The following RNF141 variants were observed in gnomAD, a reference collection of about 807,000 sequenced individuals.
RNF141 encodes ring finger protein 141, also known as C3HC4-like zinc finger protein.
Under a neutral mutation model 27.4 loss-of-function variants are expected in RNF141, and 18 were observed. The ratio of observed to expected loss-of-function variants is 0.66; its 90% CI spans 0.45 to 0.97. RNF141 has a LOEUF of 0.97. Among genes scored for constraint, RNF141 ranks in the 50% least tolerant of loss-of-function variants. The probability of loss-of-function intolerance (pLI) is 0.00; values close to 1 mark genes in which losing one functional copy is unlikely to be tolerated. For missense variants in RNF141, 230 were observed against 279.4 expected (o/e 0.82, Z 1.26); for synonymous variants, 97 against 96.6 (o/e 1.00, Z -0.02).
intron 1 of RNF141, among the ~76,000 whole-genome samples, chr11:10,540,464 G>A (rs1231199972): frequency 1.3e-5 from 2 of 152,194 alleles, no homozygotes. Context: ...GAAGCCTTCT[G>A]CTCCTGCTGT....
At chr11:10,541,006 C>G (rs1252537649) in intron 1 of RNF141, 116 bp downstream of exon 1, 1 of 152,260 alleles carries the variant, frequency 6.6e-6, no homozygotes, top group Non-Finnish European at 1.5e-5. Context: ...CTAGGCCTGT[C>G]TCCCCGCGGA....
At position 10,527,179 on chromosome 11, in the gene RNF141, T is replaced by C. The variant is rs1849943406; in HGVS notation, c.253-1806A>G. On this transcript the variant is annotated intron_variant, in intron 3 of 5. Transcript: ENST00000265981. The stretch of plus-strand genomic sequence containing the variant: ...ATGTTATTGGTACTATGTGCACTGC[T>C]CTAGGCACTAGCCACAGTGTGTATA... 2.6e-5 allele frequency among the ~76,000 whole-genome samples: 4 copies of C among 152,228 alleles called. No homozygotes were observed. The South Asian group carries it at 8.3e-4, about 32-fold the overall frequency.
In RNF141 at chr11:10,519,116, C is replaced by T. The variant is rs377654959; in HGVS notation, c.460G>A (p.Glu154Lys). ...GRVKQLTDEE[E>K]CCICMDGRAD... is the part of the protein sequence containing the mutation. ...CGCCCATCCATACAGATACAACACT[C>T]CTCCTCATCGGTCAGCTGCTTCACC... The change falls in exon 5 of 6, where the codon GAG (glutamate) becomes AAG (lysine). Residue 154 changes from glutamate to lysine, a missense_variant. Coordinates refer to ENST00000265981, the MANE Select transcript of RNF141 (RefSeq NM_016422.4). 3 of 1,613,950 alleles carry T rather than the reference C, an allele frequency of 1.9e-6. No individual in the cohort carries two copies. Among genetic ancestry groups the T allele is most frequent in the South Asian group, 2.2e-5 (2 of 91,078 alleles).
At chr11:10,529,207 C>T (rs967973260) in intron 3 of RNF141, among the ~76,000 whole-genome samples, 1 of 152,362 alleles carries the variant, frequency 6.6e-6, no homozygotes, top group Middle Eastern at 3.4e-3. Flanking sequence ...CATATTCCCT[C>T]TGTCAGTGTA....
intron 1 of RNF141, among the ~76,000 whole-genome samples, chr11:10,537,510 G>A (rs754034163): frequency 4.6e-5 from 7 of 152,064 alleles, no homozygotes; most frequent in African/African-American, 9.7e-5. Context: ...TAACCAACGT[G>A]GTATAGGGGA....
intron 3 of RNF141, among the ~76,000 whole-genome samples, chr11:10,529,051 TG>T (rs55642894): frequency 0.45 from 68,322 of 151,992 alleles, 16,753 homozygotes; most frequent in East Asian, 0.66. Flanking sequence ...AAATAAAAGG[TG>T]TGGCAGAAAC....
At chr11:10,526,560 G>A (rs1849937269) in intron 3 of RNF141, among the ~76,000 whole-genome samples, 1 of 152,260 alleles carries the variant, frequency 6.6e-6, no homozygotes, top group South Asian at 2.1e-4. Context: ...GAGGTGGGCA[G>A]ATCATGAGGT....
intron 3 of RNF141, among the ~76,000 whole-genome samples, chr11:10,527,887 C>A (rs572245854): frequency 6.6e-6 from 1 of 151,974 alleles, no homozygotes; most frequent in African/African-American, 2.4e-5. Flanking sequence ...ATTCTGAATA[C>A]ATTTTGATGT....
chr11:10,515,015 T>A lies in RNF141; in HGVS notation c.594A>T (p.Ala198=). 1.2e-6 allele frequency: 2 copies of A among 1,614,046 alleles called. No homozygotes were observed. Among genetic ancestry groups the A allele is most frequent in the Non-Finnish European group, 1.7e-6 (2 of 1,179,928 alleles). ...CPICRLQMTG[A]NESWVVSDAP... is the part of the protein sequence containing the mutation. Reference sequence around the variant, plus strand: ...CATCTGATACCACCCAAGATTCATTTGCTCCAGTCATCTGTAGGCGACAAA... The same window carrying A: ...CATCTGATACCACCCAAGATTCATTAGCTCCAGTCATCTGTAGGCGACAAA... The change falls in exon 6 of 6, where the codon GCA becomes GCT. Residue 198 remains alanine, a synonymous_variant. Transcript: ENST00000265981.
At chr11:10,515,834 C>G (rs1377473528) in intron 5 of RNF141, 1 of 152,084 alleles carries the variant, frequency 6.6e-6, no homozygotes, top group Non-Finnish European at 1.5e-5. Context: ...AAAAATGGAG[C>G]ATACAAAGTT....
intron 1 of RNF141, among the ~76,000 whole-genome samples, chr11:10,538,892 T>C (rs754580207): frequency 5.3e-5 from 8 of 152,234 alleles, no homozygotes; most frequent in East Asian, 1.9e-4. Context: ...AACAGTGGTA[T>C]TGCATAGAAA....
At chr11:10,522,445 T>G (rs1004808087) in intron 4 of RNF141, among the ~76,000 whole-genome samples, 2 of 152,244 alleles carry the variant, frequency 1.3e-5, no homozygotes, top group African/African-American at 4.8e-5. Flanking sequence ...AGTCTTGTGC[T>G]GTTTGTTCCT....
intron 1 of RNF141, among the ~76,000 whole-genome samples, chr11:10,538,474 T>C (rs1431857383): frequency 6.6e-6 from 1 of 152,190 alleles, no homozygotes; most frequent in Non-Finnish European, 1.5e-5. Flanking sequence ...GGCCATCCTC[T>C]AGTCAACCAC....
chr11:10,529,283 T>C (rs1347415231), intron 3 of RNF141, among the ~76,000 whole-genome samples: 2 of 152,224 alleles, frequency 1.3e-5, no homozygotes, highest in East Asian at 1.9e-4. Flanking sequence ...GCTGGGTCTT[T>C]AATTTAACCA....
Position 10,512,569 on chromosome 11 carries a change from T to C in RNF141, c.*2347A>G, listed in dbSNP as rs932746856. Reference sequence around the variant, plus strand: ...TCTGTAAGGTAACTCTGTTCACTTTTCAGAAACATTTTAAAATTAGGTAAT... The same window carrying C: ...TCTGTAAGGTAACTCTGTTCACTTTCCAGAAACATTTTAAAATTAGGTAAT... On this transcript the variant is annotated 3_prime_UTR_variant, in exon 6 of 6. Transcript: ENST00000265981. The C allele has an allele frequency of 1.3e-5, 2 of 152,464 alleles. No individual in the cohort carries two copies. Among genetic ancestry groups the C allele is most frequent in the African/African-American group, 2.4e-5 (1 of 41,448 alleles). The allele number at this position is 152,464 out of a possible 1,614,324, so 9.4% of individuals were successfully genotyped here.
Position 10,519,123 on chromosome 11 carries a change from A to G in RNF141, c.453T>C (p.Asp151=), listed in dbSNP as rs371158563. The G allele has an allele frequency of 1.1e-4, 174 of 1,613,748 alleles. No individual in the cohort carries two copies. Among genetic ancestry groups the G allele is most frequent in the Non-Finnish European group, 1.4e-4 (161 of 1,179,840 alleles). The change falls in exon 5 of 6, where the codon GAT becomes GAC. Residue 151 remains aspartate, a synonymous_variant. Coordinates refer to ENST00000265981, the MANE Select transcript of RNF141 (RefSeq NM_016422.4). ...CCATACAGATACAACACTCCTCCTC[A>G]TCGGTCAGCTGCTTCACCCTGCAAT... is the stretch of plus-strand genomic sequence containing the variant. ...LWMGRVKQLT[D]EEECCICMDG...
chr11:10,512,618 A>C lies in RNF141; in HGVS notation c.*2298T>G, dbSNP rs1236564401. The C allele has an allele frequency of 6.6e-6, 1 of 152,260 alleles. No homozygotes were observed. The highest frequency in any genetic ancestry group is 2.4e-5 in the African/African-American group (1 of 41,470). 9.4% of individuals were successfully genotyped at this position (152,260 alleles called of 1,614,324 possible). A position where few individuals can be genotyped will look rare whatever the true frequency, so the allele number is the denominator to read the frequency against. On this transcript the variant is annotated 3_prime_UTR_variant, in exon 6 of 6. Coordinates refer to ENST00000265981, the MANE Select transcript of RNF141 (RefSeq NM_016422.4). The stretch of plus-strand genomic sequence containing the variant: ...ATCTGAATTAAACTCAGCAAGTCTA[A>C]TCTAAAAGGACAATTTAAAATCTTA...
In RNF141 at chr11:10,528,752, T is replaced by C. The variant is rs192114893; in HGVS notation, c.252+1891A>G. On this transcript the variant is annotated intron_variant, in intron 3 of 5. Transcript: ENST00000265981. ...AAAGAGAGTATTATTTCAACAGATT[T>C]TTTTTGTTCACTTAATATATACTGA... is the stretch of plus-strand genomic sequence containing the variant. Among the ~76,000 whole-genome samples the C allele has an allele frequency of 9.2e-5, 14 of 152,314 alleles. No homozygotes were observed. In the East Asian group the frequency reaches 2.7e-3, roughly 29 times the overall value.
At position 10,538,870 on chromosome 11, in the gene RNF141, C is replaced by G. The variant is rs972788115; in HGVS notation, c.-48+2252G>C. On this transcript the variant is annotated intron_variant, in intron 1 of 5. Transcript: ENST00000265981. ...ATTTGATTTTAACAAGATACTCCCC[C>G]CTAGGCCATGCAACAGTGGTATTGC... Among the ~76,000 whole-genome samples the G allele has an allele frequency of 7.2e-5, 11 of 152,260 alleles. No homozygotes were observed. The South Asian group carries it at 1.7e-3, about 23-fold the overall frequency.
Sources: allele counts gnomAD v4.1 joint callset (sites outside exome capture counted in the v4.1 genomes callset), GRCh38; gene constraint gnomAD v4.1.1; transcripts MANE v1.5; gene names NCBI Gene and HGNC (gene_info 2026-07-23, HGNC 2026-07-21).